The following CREB1 variants were observed in gnomAD, a reference collection of about 807,000 sequenced individuals.
The protein encoded by CREB1 is cyclic AMP-responsive element-binding protein 1.
A neutral mutation model predicts 42.0 loss-of-function variants in CREB1; 2 were observed. The observed-to-expected ratio is 0.05, with a 90% CI of 0.02 to 0.15. The LOEUF is 0.15. Among genes scored for constraint, CREB1 ranks in the 10% least tolerant of loss-of-function variants. The pLI is 1.00. For synonymous variants in CREB1, 123 were observed against 139.9 expected (o/e 0.88, Z 0.85); for missense variants, 199 against 388.9 (o/e 0.51, Z 4.11).
intron 7 of CREB1, among the ~76,000 whole-genome samples, chr2:207,590,083 G>GTTTTTTT (rs59126515): frequency 1.3e-5 from 1 of 76,148 alleles, no homozygotes; most frequent in African/African-American, 4.8e-5. Flanking sequence ...ATTTTGAGAA[G>GTTTTTTT]TTTTTTTTTT....
intron 1 of CREB1, among the ~76,000 whole-genome samples, chr2:207,542,678 TTTTTC>T (rs1338348900): frequency 1.3e-5 from 2 of 152,210 alleles, no homozygotes; most frequent in Admixed American, 6.5e-5. Context: ...GTTCATCTAA[TTTTTC>T]TTTTCTTGTT....
chr2:207,585,329 T>C (rs1462444772), intron 7 of CREB1, among the ~76,000 whole-genome samples: 1 of 152,130 alleles, frequency 6.6e-6, no homozygotes. Context: ...GATACCACCA[T>C]TGATGACAGT....
intron 7 of CREB1, among the ~76,000 whole-genome samples, chr2:207,596,639 G>A (rs2086226323): frequency 6.6e-6 from 1 of 152,144 alleles, no homozygotes; most frequent in Non-Finnish European, 1.5e-5. Context: ...CATCATGTTG[G>A]CCAGGCTGAT....
intron 1 of CREB1, among the ~76,000 whole-genome samples, chr2:207,550,982 G>A (rs1438944940): frequency 6.6e-6 from 1 of 152,128 alleles, no homozygotes; most frequent in Admixed American, 6.5e-5. Flanking sequence ...ATTCTGAGTG[G>A]CTATTATCGT....
chr2:207,587,590 C>T (rs2084116522), intron 7 of CREB1, among the ~76,000 whole-genome samples: 1 of 152,056 alleles, frequency 6.6e-6, no homozygotes, highest in Non-Finnish European at 1.5e-5. Flanking sequence ...TATATATACA[C>T]AGTGGTATAC....
Position 207,586,101 on chromosome 2 carries a change from T to G in CREB1, c.839+8446T>G, listed in dbSNP as rs1341246826. 4.6e-5 allele frequency among the ~76,000 whole-genome samples: 7 copies of G among 151,994 alleles called. No homozygotes were observed. In the South Asian group the frequency reaches 6.2e-4, roughly 13 times the overall value. ...TCAAAAGTCAAAAACAAAGAAAAAATTCTTATGGAACCAAAAACAGCCCAA... is the reference window on the plus strand; with the variant it reads ...TCAAAAGTCAAAAACAAAGAAAAAAGTCTTATGGAACCAAAAACAGCCCAA... On this transcript the variant is annotated intron_variant, in intron 7 of 7. Transcript: ENST00000353267.
chr2:207,536,013 A>G (rs924598251), intron 1 of CREB1, among the ~76,000 whole-genome samples: 5 of 151,724 alleles, frequency 3.3e-5, no homozygotes, highest in Non-Finnish European at 7.4e-5. Context: ...GAGTTTCGCC[A>G]TGTTGCCCAG....
intron 3 of CREB1, among the ~76,000 whole-genome samples, chr2:207,562,524 A>G (rs2081993251): frequency 6.6e-6 from 1 of 152,126 alleles, no homozygotes; most frequent in Admixed American, 6.6e-5. Flanking sequence ...ACATTTGTCC[A>G]TTAAGGTCCA....
In CREB1 at chr2:207,600,935, T is replaced by G. The variant is rs893817457; in HGVS notation, c.*3877T>G. ...TTCAATCTAGATTTCTTTTAATATT[T>G]AACAAATTTTTAATTCTATGATCAG... On this transcript the variant is annotated 3_prime_UTR_variant, in exon 8 of 8. Coordinates refer to ENST00000353267, the MANE Select transcript of CREB1 (RefSeq NM_004379.5). 18 of 197,962 alleles carry G rather than the reference T, an allele frequency of 9.1e-5. No homozygotes were observed. The highest frequency in any genetic ancestry group is 1.7e-4 in the Non-Finnish European group (16 of 95,764). 12.3% of individuals were successfully genotyped at this position (197,962 alleles called of 1,614,324 possible).
chr2:207,549,644 GC>G (rs2081423444), intron 1 of CREB1, among the ~76,000 whole-genome samples: 1 of 152,148 alleles, frequency 6.6e-6, no homozygotes, highest in Admixed American at 6.5e-5. Context: ...GGAGCCCAAA[GC>G]AGGCAGATCA....
intron 3 of CREB1, among the ~76,000 whole-genome samples, chr2:207,564,810 T>G (rs2082081854): frequency 1.3e-5 from 2 of 152,176 alleles, no homozygotes; most frequent in African/African-American, 4.8e-5. Flanking sequence ...GAAAATTTCT[T>G]GACTTACAAG....
chr2:207,569,071 A>G (rs1479081909), intron 4 of CREB1, among the ~76,000 whole-genome samples: 2 of 152,162 alleles, frequency 1.3e-5, no homozygotes, highest in Non-Finnish European at 2.9e-5. Context: ...TCCTTACACA[A>G]AAGATATGCT....
chr2:207,567,758 T>C, intron 4 of CREB1, 195 bp downstream of exon 4: 1 of 389,640 alleles, frequency 2.6e-6, no homozygotes, highest in Non-Finnish European at 4.6e-6. Context: ...CTCTCACCAG[T>C]CCTAATTTTT....
intron 1 of CREB1, among the ~76,000 whole-genome samples, chr2:207,533,198 T>TA (rs928042798): frequency 3.3e-4 from 50 of 149,282 alleles, no homozygotes; most frequent in African/African-American, 1.2e-3. Flanking sequence ...ACTTAAGTGT[T>TA]ACCTGTTTTG....
At chr2:207,542,563 C>T (rs2081137458) in intron 1 of CREB1, among the ~76,000 whole-genome samples, 1 of 152,098 alleles carries the variant, frequency 6.6e-6, no homozygotes, top group Non-Finnish European at 1.5e-5. Context: ...AGATACAAAT[C>T]TCTTGTCAGA....
chr2:207,556,642 G>C (rs1336851501), intron 2 of CREB1, among the ~76,000 whole-genome samples: 1 of 152,208 alleles, frequency 6.6e-6, no homozygotes, highest in Admixed American at 6.5e-5. Flanking sequence ...GTCAGAAGGA[G>C]TGAGCTGTTC....
rs1300858211 is a variant in CREB1, at chr2:207,602,758, A to G, written c.*5700A>G. ...GTATGTAATAAAATTATTTATATTA[A>G]AAGTGGGAAATAATTGTCAACATTT... On this transcript the variant is annotated 3_prime_UTR_variant, in exon 8 of 8. Transcript: ENST00000353267. 4.7e-6 allele frequency: 1 copy of G among 213,386 alleles called. No individual in the cohort carries two copies. Among genetic ancestry groups the G allele is most frequent in the Non-Finnish European group, 9.5e-6 (1 of 105,514 alleles). 13.2% of individuals were successfully genotyped at this position (213,386 alleles called of 1,614,324 possible).
rs940612818 is a variant in CREB1, at chr2:207,605,169, G to T, written c.*8111G>T. ...CAAACTTTCCCTCAGCAGCTGTACC[G>T]TTTTACCTTCCACCATTGATGTATG... On this transcript the variant is annotated 3_prime_UTR_variant, in exon 8 of 8. Coordinates refer to ENST00000353267, the MANE Select transcript of CREB1 (RefSeq NM_004379.5). Among the ~76,000 whole-genome samples, 1 of 152,086 alleles carries T rather than the reference G, an allele frequency of 6.6e-6. No individual in the cohort carries two copies. Among genetic ancestry groups the T allele is most frequent in the Non-Finnish European group, 1.5e-5 (1 of 68,016 alleles).
intron 1 of CREB1, among the ~76,000 whole-genome samples, chr2:207,551,963 AC>A (rs2081521512): frequency 6.9e-6 from 1 of 144,792 alleles, no homozygotes; most frequent in African/African-American, 2.5e-5. Context: ...GATTGCTTGA[AC>A]CTGGGAGGCG....
Sources: gnomAD v4.1 joint callset for allele counts (sites outside exome capture counted in the v4.1 genomes callset) on GRCh38, gnomAD v4.1.1 for gene constraint, MANE v1.5 for transcripts, NCBI Gene and HGNC (gene_info 2026-07-23, HGNC 2026-07-21) for gene names.